Variants in ANO3 observed in about 807,000 individuals in gnomAD.
The protein encoded by ANO3 is anoctamin-3.
Under a neutral mutation model 144.8 loss-of-function variants are expected in ANO3, and 99 were observed. The observed-to-expected ratio is 0.68, with a 90% CI of 0.58 to 0.81. The LOEUF (loss-of-function observed/expected upper bound fraction) is 0.81. Ranked by LOEUF, ANO3 falls within the 30% of genes least tolerant of loss-of-function variation. The pLI is 0.00. For synonymous variants in ANO3, 414 were observed against 392.6 expected (o/e 1.05, Z -0.64); for missense variants, 905 against 1,202.2 (o/e 0.75, Z 3.66).
chr11:26,515,449 T>C (rs549668946), intron 5 of ANO3, among the ~76,000 whole-genome samples: 13 of 152,040 alleles, frequency 8.6e-5, no homozygotes, highest in Non-Finnish European at 1.9e-4. Flanking sequence ...TCTAATACTC[T>C]ATGGAAAGGG....
intron 4 of ANO3, among the ~76,000 whole-genome samples, chr11:26,482,598 T>C (rs1278291582): frequency 6.6e-6 from 1 of 152,142 alleles, no homozygotes; most frequent in Non-Finnish European, 1.5e-5. Flanking sequence ...TGTAAAAGTA[T>C]ATTTAACATT....
rs1554921952 is a variant in ANO3, at chr11:26,202,372, T to TTA, written c.154+13052_154+13053dup. On this transcript the variant is annotated intron_variant, in intron 1 of 27. Transcript: ENST00000672621. ...ATTATATATATTATATATGTGTATT[T>TTA]TATATATATATCTTAAGAATCCTAC... Among the ~76,000 whole-genome samples, 4 of 147,096 alleles carry TTA rather than the reference T, an allele frequency of 2.7e-5. No homozygotes were observed. In the East Asian group the frequency reaches 5.9e-4, roughly 22 times the overall value.
chr11:26,383,783 G>T (rs1368983486), intron 1 of ANO3, among the ~76,000 whole-genome samples: 1 of 150,816 alleles, frequency 6.6e-6, no homozygotes, highest in Non-Finnish European at 1.5e-5. Flanking sequence ...GCAAATAAAT[G>T]ACAGTTAATA....
At chr11:26,338,865 T>C (rs1855270947) in intron 1 of ANO3, among the ~76,000 whole-genome samples, 1 of 152,104 alleles carries the variant, frequency 6.6e-6, no homozygotes, top group South Asian at 2.1e-4. Flanking sequence ...CACACCATCT[T>C]TAAGAGCTGT....
At chr11:26,585,149 T>C (rs1031898278) in intron 14 of ANO3, among the ~76,000 whole-genome samples, 1 of 152,166 alleles carries the variant, frequency 6.6e-6, no homozygotes, top group Non-Finnish European at 1.5e-5. Flanking sequence ...TGATAAACTT[T>C]CCAGAGTGGT....
chr11:26,655,814 CAT>C (rs112379900), intron 24 of ANO3, among the ~76,000 whole-genome samples: 12 of 151,968 alleles, frequency 7.9e-5, no homozygotes, highest in Non-Finnish European at 1.0e-4. Flanking sequence ...ATTTATAAAA[CAT>C]ATTTTATAGA....
At chr11:26,189,384 T>G in intron 1 of ANO3, 1 of 906,680 alleles carries the variant, frequency 1.1e-6, no homozygotes, top group African/African-American at 1.8e-5. Context: ...TGTTTGTACT[T>G]CTTTAATGTC....
chr11:26,405,429 G>C (rs66502272), intron 1 of ANO3, among the ~76,000 whole-genome samples: 32,260 of 151,658 alleles, frequency 0.21, 3,640 homozygotes, highest in African/African-American at 0.26. Flanking sequence ...TTCTTTATTA[G>C]ATGTTGTTAC....
intron 1 of ANO3, among the ~76,000 whole-genome samples, chr11:26,300,927 C>CTTCATAATGTATTTCATA (rs1350398756): frequency 6.9e-6 from 1 of 145,346 alleles, no homozygotes; most frequent in Non-Finnish European, 1.5e-5. Context: ...AATTTCCACT[C>CTTCATAATGTATTTCATA]ACTGCCACCT....
intron 1 of ANO3, among the ~76,000 whole-genome samples, chr11:26,299,408 G>A (rs977628683): frequency 4.6e-5 from 7 of 152,220 alleles, no homozygotes; most frequent in East Asian, 3.9e-4. Context: ...ATACTGTAGA[G>A]GATTTTTGAA....
At chr11:26,336,398 CAG>C (rs1855193760) in intron 1 of ANO3, among the ~76,000 whole-genome samples, 1 of 152,336 alleles carries the variant, frequency 6.6e-6, no homozygotes, top group South Asian at 2.1e-4. Context: ...TTGGTTAAAA[CAG>C]AGAGTGTTTT....
chr11:26,423,843 A>G (rs1261479407), intron 1 of ANO3, among the ~76,000 whole-genome samples: 1 of 151,934 alleles, frequency 6.6e-6, no homozygotes, highest in Non-Finnish European at 1.5e-5. Flanking sequence ...TGAAAAGGTT[A>G]TGGGCTTTGG....
intron 1 of ANO3, among the ~76,000 whole-genome samples, chr11:26,257,223 A>G (rs1853080236): frequency 6.6e-6 from 1 of 152,086 alleles, no homozygotes; most frequent in Admixed American, 6.6e-5. Context: ...CATACACACA[A>G]AAATCTATTT....
chr11:26,606,099 C>G (rs1290394842), intron 17 of ANO3, among the ~76,000 whole-genome samples: 1 of 152,208 alleles, frequency 6.6e-6, no homozygotes, highest in Non-Finnish European at 1.5e-5. Flanking sequence ...CCTGTAAATA[C>G]TGCTTTAGCT....
At chr11:26,484,877 A>T (rs753906221) in intron 4 of ANO3, among the ~76,000 whole-genome samples, 2 of 152,044 alleles carry the variant, frequency 1.3e-5, no homozygotes, top group African/African-American at 2.4e-5. Flanking sequence ...GTCAAAGGAG[A>T]TTATTTTGGA....
At chr11:26,655,254 G>T (rs1853650896) in intron 24 of ANO3, among the ~76,000 whole-genome samples, 1 of 152,072 alleles carries the variant, frequency 6.6e-6, no homozygotes, top group South Asian at 2.1e-4. Context: ...CATGCAATTG[G>T]TAAAATTCAT....
At chr11:26,329,531 AG>A (rs1854982798), upstream of ANO3, among the ~76,000 whole-genome samples, 1 of 152,214 alleles carries the variant, frequency 6.6e-6, no homozygotes, top group African/African-American at 2.4e-5. Context: ...TCTAATTTTA[AG>A]AAAAGTAATT....
intron 1 of ANO3, among the ~76,000 whole-genome samples, chr11:26,415,307 T>C (rs1006822713): frequency 2.0e-5 from 3 of 152,066 alleles, no homozygotes; most frequent in Admixed American, 6.6e-5. Flanking sequence ...CCTAATAGTG[T>C]ACTTAGAAAG....
intron 1 of ANO3, among the ~76,000 whole-genome samples, chr11:26,221,397 C>T (rs1297898265): frequency 6.6e-6 from 1 of 152,114 alleles, no homozygotes; most frequent in Non-Finnish European, 1.5e-5. Context: ...AGAATGAGAT[C>T]CAGGGTTATA....
Sources: gnomAD v4.1 joint callset for allele counts (sites outside exome capture counted in the v4.1 genomes callset) on GRCh38, gnomAD v4.1.1 for gene constraint, MANE v1.5 for transcripts, NCBI Gene and HGNC (gene_info 2026-07-23, HGNC 2026-07-21) for gene names.